The following COL5A2 variants were observed in gnomAD, a reference collection of about 807,000 sequenced individuals.
The protein encoded by COL5A2 is collagen alpha-2(V) chain.
A neutral mutation model predicts 208.2 loss-of-function variants in COL5A2; 23 were observed. The observed-to-expected ratio is 0.11, with a 90% CI of 0.08 to 0.16. The LOEUF (loss-of-function observed/expected upper bound fraction) is 0.16, where lower values mean the gene tolerates loss of function less well. Ranked by LOEUF, COL5A2 falls within the 10% of genes least tolerant of loss-of-function variation. The pLI is 1.00. For missense variants in COL5A2, 1,590 were observed against 1,956.4 expected (o/e 0.81, Z 3.53); for synonymous variants, 625 against 628.5 (o/e 0.99, Z 0.08).
intron 9 of COL5A2, 52 bp downstream of exon 9, chr2:189,086,672 ATG>A: frequency 3.0e-5 from 41 of 1,348,776 alleles, no homozygotes; most frequent in African/African-American, 5.8e-5. Flanking sequence ...TATGTAATAT[ATG>A]TGTGTGTGTA....
chr2:189,437,136 T>C, the COL5A2 span, among the ~76,000 whole-genome samples: 4 of 152,290 alleles, frequency 2.6e-5, no homozygotes, highest in African/African-American at 7.2e-5. Context: ...TAAGTTAGCA[T>C]AGTAAGTCTT....
rs145169816 is a variant in COL5A2 at position 189,063,266 on chromosome 2, G to C, written c.1775C>G (p.Ala592Gly). ...ACCTGGACGGCCATCTTCCCCTGGC[G>C]CACCCTATAGAATTGACAGGAGCCA... Reference protein sequence around the residue: ...GPEGKLGPLGAPGEDGRPGPP... With the variant: ...GPEGKLGPLGGPGEDGRPGPP... The change falls in exon 27 of 54, where the codon GCG becomes GGG. Residue 592 changes from alanine to glycine, a missense_variant. Ala to Gly is a moderately conservative substitution (Grantham distance 60, BLOSUM62 0). Coordinates refer to ENST00000374866, the MANE Select transcript of COL5A2 (RefSeq NM_000393.5). 11 of 1,612,934 alleles carry C rather than the reference G, an allele frequency of 6.8e-6. No individual in the cohort carries two copies. In the East Asian group the frequency reaches 2.5e-4, roughly 36 times the overall value.
intron 1 of COL5A2, among the ~76,000 whole-genome samples, chr2:189,194,580 AT>A (rs1485546620): frequency 1.3e-5 from 2 of 152,188 alleles, no homozygotes; most frequent in African/African-American, 4.8e-5. Context: ...TGTATAATTA[AT>A]TTAGCCACTT....
At chr2:189,314,094 C>G in the COL5A2 span, among the ~76,000 whole-genome samples, 1 of 152,016 alleles carries the variant, frequency 6.6e-6, no homozygotes, top group Non-Finnish European at 1.5e-5. Flanking sequence ...TCAAATGGAC[C>G]TAATAGATAT....
At chr2:189,108,592 C>A (rs1182329910) in intron 2 of COL5A2, among the ~76,000 whole-genome samples, 1 of 151,738 alleles carries the variant, frequency 6.6e-6, no homozygotes, top group Non-Finnish European at 1.5e-5. Flanking sequence ...TCTGTTAACT[C>A]TTTTAGGTCA....
chr2:189,044,842 CAG>C (rs1188977226), intron 47 of COL5A2, among the ~76,000 whole-genome samples: 2 of 152,012 alleles, frequency 1.3e-5, no homozygotes, highest in Non-Finnish European at 2.9e-5. Context: ...TTCAAGTTTA[CAG>C]AGAGCTTTCA....
At chr2:189,188,977 A>T (rs1466338972) in intron 1 of COL5A2, among the ~76,000 whole-genome samples, 1 of 152,202 alleles carries the variant, frequency 6.6e-6, no homozygotes, top group Non-Finnish European at 1.5e-5. Context: ...CTACACCTTC[A>T]GTGAAATTAA....
the COL5A2 span, among the ~76,000 whole-genome samples, chr2:189,380,663 A>G: frequency 4.0e-5 from 6 of 151,874 alleles, no homozygotes; most frequent in African/African-American, 1.4e-4. Context: ...TAAAAGAATG[A>G]TAGACCAAAG....
chr2:189,295,362 G>C, the COL5A2 span, among the ~76,000 whole-genome samples: 1 of 152,190 alleles, frequency 6.6e-6, no homozygotes, highest in East Asian at 1.9e-4. Flanking sequence ...CCAGCACTTT[G>C]GGAGGCCAAG....
intron 6 of COL5A2, among the ~76,000 whole-genome samples, chr2:189,092,927 A>G (rs1217973428): frequency 6.6e-6 from 1 of 152,176 alleles, no homozygotes; most frequent in Non-Finnish European, 1.5e-5. Flanking sequence ...AATGCTTTGC[A>G]TAGTTCCTGG....
At chr2:189,392,954 C>G in the COL5A2 span, among the ~76,000 whole-genome samples, 1 of 152,120 alleles carries the variant, frequency 6.6e-6, no homozygotes. Flanking sequence ...TCTGTAGTAT[C>G]AGTTACATCT....
At chr2:189,054,722 C>T (rs1685865532) in intron 35 of COL5A2, among the ~76,000 whole-genome samples, 2 of 119,930 alleles carry the variant, frequency 1.7e-5, no homozygotes, top group South Asian at 5.4e-4. Context: ...GGCACAGGGT[C>T]TCCACTCTAC....
chr2:189,117,097 A>G (rs541382049), intron 1 of COL5A2, among the ~76,000 whole-genome samples: 2 of 107,882 alleles, frequency 1.9e-5, no homozygotes, highest in Non-Finnish European at 2.2e-5. Flanking sequence ...GAAAGGAAAA[A>G]CTCTCATATT....
At chr2:189,177,697 G>A (rs764948658) in intron 1 of COL5A2, among the ~76,000 whole-genome samples, 2 of 152,032 alleles carry the variant, frequency 1.3e-5, no homozygotes, top group Non-Finnish European at 2.9e-5. Context: ...GATTGGAGTT[G>A]GGGACTTTTT....
intron 5 of COL5A2, 200 bp from the exon 6 acceptor site, chr2:189,097,530 T>G (rs1239794390): frequency 2.9e-6 from 2 of 688,822 alleles, no homozygotes; most frequent in Non-Finnish European, 5.2e-6. Context: ...CAGTGACATT[T>G]AAAGACCTAT....
the COL5A2 span, among the ~76,000 whole-genome samples, chr2:189,304,106 T>C: frequency 3.0e-3 from 462 of 152,300 alleles, 4 homozygotes; most frequent in African/African-American, 0.01. Context: ...CTATGAGTTT[T>C]TTTCCCATTG....
intron 6 of COL5A2, chr2:189,095,123 C>A (rs746766236): frequency 6.9e-6 from 1 of 144,534 alleles, no homozygotes; most frequent in African/African-American, 2.6e-5. Flanking sequence ...GTGAGCCTTC[C>A]GTACTGTTTG....
intron 1 of COL5A2, among the ~76,000 whole-genome samples, chr2:189,123,899 T>C (rs1376684603): frequency 6.6e-6 from 1 of 152,076 alleles, no homozygotes; most frequent in Non-Finnish European, 1.5e-5. Flanking sequence ...CCCATAACTA[T>C]TATACATTGT....
At chr2:189,270,295 C>G in the COL5A2 span, among the ~76,000 whole-genome samples, 4 of 152,020 alleles carry the variant, frequency 2.6e-5, no homozygotes, top group South Asian at 8.3e-4. Flanking sequence ...TTTGTTTGCT[C>G]CTGCTTCTCT....
Sources: allele counts gnomAD v4.1 joint callset (sites outside exome capture counted in the v4.1 genomes callset), GRCh38; gene constraint gnomAD v4.1.1; transcripts MANE v1.5; gene names NCBI Gene and HGNC (gene_info 2026-07-23, HGNC 2026-07-21).